URGCP: variants seen among roughly 807,000 people sequenced by gnomAD.
URGCP encodes up-regulator of cell proliferation.
A neutral mutation model predicts 24.6 loss-of-function variants in URGCP; 13 were observed. That is an observed-to-expected ratio of 0.53 (90% CI 0.34 to 0.84). The LOEUF (loss-of-function observed/expected upper bound fraction) is 0.84, where lower values mean the gene tolerates loss of function less well. Among genes scored for constraint, URGCP ranks in the 40% least tolerant of loss-of-function variants. The pLI is 0.01. For missense variants in URGCP, 899 were observed against 1,194.3 expected, an observed-to-expected ratio of 0.75 and a Z score of 3.64; for synonymous variants, 444 against 487.2, an observed-to-expected ratio of 0.91 and a Z score of 1.17.
At chr7:43,881,997 G>T (rs1255679202) in intron 3 of URGCP, 40 bp from the exon 4 acceptor site, 3 of 1,613,182 alleles carry the variant, frequency 1.9e-6, no homozygotes, top group Non-Finnish European at 8.5e-7. Context: ...AGTTTCATCA[G>T]CAAGTTAGAA....
At chr7:43,886,279 T>C (rs1374935144) in intron 3 of URGCP, among the ~76,000 whole-genome samples, 1 of 152,250 alleles carries the variant, frequency 6.6e-6, no homozygotes, top group African/African-American at 2.4e-5. Context: ...TGAGCCACTG[T>C]ATCCAGCCTA....
chr7:43,879,262 T>A lies in URGCP; in HGVS notation c.203-2A>T. 6.2e-7 allele frequency: 1 copy of A among 1,602,366 alleles called. No homozygotes were observed. On this transcript the variant is annotated splice_acceptor_variant, in intron 5 of 5. Coordinates refer to ENST00000453200, the MANE Select transcript of URGCP (RefSeq NM_001077663.3). LOFTEE classifies it high-confidence loss of function. ...TTTCTTGAAGCCTGCTTCTCTCCAC[T>A]GTGGAAAGAAATGAAGACATAAGTG...
intron 5 of URGCP, 110 bp downstream of exon 5, chr7:43,881,549 T>C (rs1454625323): frequency 7.1e-7 from 1 of 1,416,288 alleles, no homozygotes; most frequent in Non-Finnish European, 9.8e-7. Context: ...ATCCTAAACC[T>C]GAGTGCTCTG....
chr7:43,882,887 C>T (rs551434617), intron 3 of URGCP, among the ~76,000 whole-genome samples: 3 of 152,158 alleles, frequency 2.0e-5, no homozygotes, highest in African/African-American at 7.2e-5. Context: ...TGTAAGTTGA[C>T]AGAAATTCCT....
intron 1 of URGCP, chr7:43,919,385 C>T: frequency 1.2e-6 from 1 of 861,584 alleles, no homozygotes; most frequent in Non-Finnish European, 2.0e-6. Context: ...CTCAGACCAA[C>T]CAGCTGGTGT....
chr7:43,920,111 C>T (rs1371306199), intron 1 of URGCP: 5 of 909,902 alleles, frequency 5.5e-6, no homozygotes, highest in Non-Finnish European at 8.6e-6. Flanking sequence ...CAAGGCCCTG[C>T]CTGACTGACC....
At chr7:43,879,381 A>G in intron 5 of URGCP, 121 bp from the exon 6 acceptor site, 1 of 1,205,892 alleles carries the variant, frequency 8.3e-7, no homozygotes, top group Non-Finnish European at 1.1e-6. Context: ...CAGAGAGCAG[A>G]GTGCAGGCAC....
chr7:43,876,852 C>T lies in URGCP; in HGVS notation c.2611G>A (p.Glu871Lys), dbSNP rs2095845251. The T allele has an allele frequency of 6.2e-7, 1 of 1,614,144 alleles. No individual in the cohort carries two copies. The highest frequency in any genetic ancestry group is 8.5e-7 in the Non-Finnish European group (1 of 1,180,040). Reference protein sequence around the residue: ...ALAGLAFCDPEKQHIWHIPGL... With the variant: ...ALAGLAFCDPKKQHIWHIPGL... ...GGGATGTGCCAGATGTGCTGCTTCT[C>T]AGGGTCGCAGAAGGCCAGGCCTGCC... is the stretch of plus-strand genomic sequence containing the variant. The change falls in exon 6 of 6, where the codon GAG (glutamate) becomes AAG (lysine). Residue 871 changes from glutamate (E) to lysine (K), a missense_variant. Transcript: ENST00000453200.
chr7:43,902,654 A>T (rs1044150917), intron 1 of URGCP, among the ~76,000 whole-genome samples: 1 of 152,252 alleles, frequency 6.6e-6, no homozygotes, highest in Non-Finnish European at 1.5e-5. Context: ...CGAAGATGCC[A>T]TTAGCATCCT....
chr7:43,925,601 G>C (rs1462522409), intron 1 of URGCP, among the ~76,000 whole-genome samples: 1 of 152,140 alleles, frequency 6.6e-6, no homozygotes, highest in Non-Finnish European at 1.5e-5. Flanking sequence ...CTGGGTTCAA[G>C]TGATTCTCGT....
At chr7:43,908,016 G>GAAATCCT, upstream of URGCP, among the ~76,000 whole-genome samples, 1 of 152,330 alleles carries the variant, frequency 6.6e-6, no homozygotes, top group East Asian at 1.9e-4. Context: ...TGAGGAATGG[G>GAAATCCT]AAATCCTAAA....
intron 1 of URGCP, among the ~76,000 whole-genome samples, chr7:43,925,496 ATTTTTAT>A (rs2095928255): frequency 6.6e-6 from 1 of 151,788 alleles, no homozygotes; most frequent in Non-Finnish European, 1.5e-5. Flanking sequence ...CTGTTTTTTT[ATTTTTAT>A]TTTTTATTAT....
Position 43,877,797 on chromosome 7 carries a change from T to C in URGCP, c.1666A>G (p.Ser556Gly). The C allele has an allele frequency of 6.2e-7, 1 of 1,603,690 alleles. No individual in the cohort carries two copies. Among genetic ancestry groups the C allele is most frequent in the Non-Finnish European group, 8.5e-7 (1 of 1,174,736 alleles). Residue 556 changes from serine (S) to glycine (G), a missense_variant, in exon 6 of 6, where the codon AGC (serine) becomes GGC (glycine). By Grantham distance (56) the Ser-to-Gly change is moderately conservative (BLOSUM62 0). Coordinates refer to ENST00000453200, the MANE Select transcript of URGCP (RefSeq NM_001077663.3). ...TGCTTCTCACTCAAGGAGGGGCTGC[T>C]GATCCCCGAGATGAACTCCTGCACC... ...SGVQEFISGI[S>G]SPSLSEKQYF... is the part of the protein sequence containing the mutation.
chr7:43,893,254 TG>T (rs777470587), intron 1 of URGCP, among the ~76,000 whole-genome samples: 3 of 151,656 alleles, frequency 2.0e-5, no homozygotes, highest in Non-Finnish European at 4.4e-5. Flanking sequence ...ACCTGAGCCC[TG>T]GAAGGTCAAG....
intron 1 of URGCP, chr7:43,918,803 C>A: frequency 9.0e-7 from 1 of 1,112,024 alleles, no homozygotes; most frequent in South Asian, 1.2e-5. Flanking sequence ...CCAAGGGCAC[C>A]ATGGAGGAGT....
intron 1 of URGCP, among the ~76,000 whole-genome samples, chr7:43,912,480 C>T (rs762446686): frequency 3.9e-5 from 6 of 152,228 alleles, no homozygotes; most frequent in Non-Finnish European, 7.3e-5. Context: ...GCCTAGGCAA[C>T]AGAGCAAGAC....
intron 1 of URGCP, among the ~76,000 whole-genome samples, chr7:43,898,641 C>CT (rs2095883263): frequency 6.6e-6 from 1 of 151,924 alleles, no homozygotes; most frequent in African/African-American, 2.4e-5. Context: ...GAGCATGTGC[C>CT]TTAAGTCCAG....
At position 43,877,572 on chromosome 7, in the gene URGCP, C is replaced by T. The variant is rs1248995024; in HGVS notation, c.1891G>A (p.Val631Met). 1 of 1,614,106 alleles carries T rather than the reference C, an allele frequency of 6.2e-7. No individual in the cohort carries two copies. The highest frequency in any genetic ancestry group is 8.5e-7 in the Non-Finnish European group (1 of 1,180,032). ...GQFYEAESCL[V>M]EAGRLPAGQR... is the part of the protein sequence containing the mutation. Reference sequence around the variant, plus strand: ...CCTGCCGGCAGCCTCCCTGCCTCCACAAGACAGCTCTCAGCCTCATAAAAC... The same window carrying T: ...CCTGCCGGCAGCCTCCCTGCCTCCATAAGACAGCTCTCAGCCTCATAAAAC... The change falls in exon 6 of 6, where the codon GTG (valine) becomes ATG (methionine). Residue 631 changes from valine to methionine, a missense_variant. By Grantham distance (21) the Val-to-Met change is conservative. Transcript: ENST00000453200.
intron 5 of URGCP, 138 bp from the exon 6 acceptor site, chr7:43,879,398 C>T: frequency 2.9e-6 from 3 of 1,040,126 alleles, no homozygotes; most frequent in South Asian, 1.7e-5. Flanking sequence ...GCACAGGAGG[C>T]TCAGGGTGTG....
Sources: allele counts gnomAD v4.1 joint callset (sites outside exome capture counted in the v4.1 genomes callset), GRCh38; gene constraint gnomAD v4.1.1; transcripts MANE v1.5; gene names NCBI Gene and HGNC (gene_info 2026-07-23, HGNC 2026-07-21).